Variants in PSMD1 observed in about 807,000 individuals in gnomAD.
PSMD1 encodes 26S proteasome non-ATPase regulatory subunit 1.
A neutral mutation model predicts 119.0 loss-of-function variants in PSMD1; 18 were observed. The observed-to-expected ratio is 0.15, with a 90% CI of 0.10 to 0.22. The LOEUF (loss-of-function observed/expected upper bound fraction) is 0.22. Ranked by LOEUF, PSMD1 falls within the 10% of genes least tolerant of loss-of-function variation. The probability of loss-of-function intolerance (pLI) is 1.00; values close to 1 mark genes in which losing one functional copy is unlikely to be tolerated. For missense variants in PSMD1, 702 were observed against 1,158.5 expected (o/e 0.61, Z 5.72); for synonymous variants, 374 against 396.6 (o/e 0.94, Z 0.68).
intron 16 of PSMD1, among the ~76,000 whole-genome samples, chr2:231,087,490 A>G (rs1292012200): frequency 6.6e-6 from 1 of 152,212 alleles, no homozygotes; most frequent in Admixed American, 6.5e-5. Context: ...CTCTTCTTGT[A>G]TATTGGTAGT....
At chr2:231,060,157 T>G (rs1693721193) in intron 1 of PSMD1, among the ~76,000 whole-genome samples, 1 of 152,240 alleles carries the variant, frequency 6.6e-6, no homozygotes, top group Non-Finnish European at 1.5e-5. Flanking sequence ...CTGATTGAAT[T>G]TTGAAATTTA....
chr2:231,126,672 G>A (rs1218812762), intron 16 of PSMD1, among the ~76,000 whole-genome samples: 1 of 151,956 alleles, frequency 6.6e-6, no homozygotes, highest in African/African-American at 2.4e-5. Context: ...TAAAAATGCA[G>A]TCATTGTTGT....
intron 11 of PSMD1, 126 bp from the exon 12 acceptor site, chr2:231,080,015 G>A (rs1694268078): frequency 4.0e-6 from 3 of 756,534 alleles, no homozygotes; most frequent in South Asian, 2.4e-5. Context: ...ATGAGAGAGA[G>A]CCCCACTACC....
In PSMD1 at chr2:231,056,932, A is replaced by G. The variant is rs1693605847; in HGVS notation, c.-94A>G. On this transcript the variant is annotated 5_prime_UTR_variant, in exon 1 of 25. Coordinates refer to ENST00000308696, the MANE Select transcript of PSMD1 (RefSeq NM_002807.4). ...GACTGAGCAGCGCACCCGGGGAGCA[A>G]GGAGGCGCGGTGAACTGAGCGGCCC... The G allele has an allele frequency of 6.7e-7, 1 of 1,495,196 alleles. No individual in the cohort carries two copies. Among genetic ancestry groups the G allele is most frequent in the Non-Finnish European group, 9.0e-7 (1 of 1,109,320 alleles). The allele number at this position is 1,495,196 out of a possible 1,614,324, so 92.6% of individuals were successfully genotyped here. A position where few individuals can be genotyped will look rare whatever the true frequency, so the allele number is the denominator to read the frequency against.
In PSMD1 at chr2:231,078,754, A is replaced by G; in HGVS notation, c.1160+7A>G. ...CCAGTGACCAGTTTCTTAGGTAAAT[A>G]TGCTTGTTGATTTTCACTTTGGTTC... On this transcript the variant is annotated splice_region_variant and intron_variant, in intron 10 of 24. Coordinates refer to ENST00000308696, the MANE Select transcript of PSMD1 (RefSeq NM_002807.4). 2 of 1,153,602 alleles carry G rather than the reference A, an allele frequency of 1.7e-6. No individual in the cohort carries two copies. The highest frequency in any genetic ancestry group is 2.4e-6 in the Non-Finnish European group (2 of 825,828). 71.5% of individuals were successfully genotyped at this position (1,153,602 alleles called of 1,614,324 possible).
intron 9 of PSMD1, 105 bp downstream of exon 9, chr2:231,077,267 C>A: frequency 1.1e-6 from 1 of 877,700 alleles, no homozygotes. Flanking sequence ...TATTTTATTT[C>A]CAATTAAGGA....
intron 16 of PSMD1, among the ~76,000 whole-genome samples, chr2:231,114,175 G>A (rs1695255499): frequency 6.6e-6 from 1 of 152,120 alleles, no homozygotes; most frequent in South Asian, 2.1e-4. Flanking sequence ...GTCAGCAGCA[G>A]TTTAACTTTT....
At chr2:231,104,243 T>G (rs1345761328) in intron 16 of PSMD1, among the ~76,000 whole-genome samples, 1 of 152,210 alleles carries the variant, frequency 6.6e-6, no homozygotes, top group Non-Finnish European at 1.5e-5. Flanking sequence ...TGCTTTGCTC[T>G]CTAGTTAACA....
At chr2:231,142,859 T>C (rs1257936078) in intron 17 of PSMD1, among the ~76,000 whole-genome samples, 2 of 152,202 alleles carry the variant, frequency 1.3e-5, no homozygotes, top group Admixed American at 6.5e-5. Context: ...GGAGAAAGGA[T>C]ACCCATATCT....
At chr2:231,072,601 G>T (rs1295246965) in intron 7 of PSMD1, among the ~76,000 whole-genome samples, 186 bp downstream of exon 7, 6 of 151,910 alleles carry the variant, frequency 3.9e-5, no homozygotes, top group African/African-American at 1.5e-4. Context: ...GAAAACCGAA[G>T]AAATTGACCC....
At chr2:231,088,957 C>T (rs1460050312) in intron 16 of PSMD1, among the ~76,000 whole-genome samples, 1 of 152,138 alleles carries the variant, frequency 6.6e-6, no homozygotes, top group Non-Finnish European at 1.5e-5. Flanking sequence ...CCAGTGGACA[C>T]GCAAATGATA....
chr2:231,057,595 T>A (rs1319511968), intron 1 of PSMD1, among the ~76,000 whole-genome samples: 1 of 152,234 alleles, frequency 6.6e-6, no homozygotes, highest in East Asian at 1.9e-4. Flanking sequence ...CCCAGAGAAC[T>A]TTTGGGTTCG....
rs149133426 is a variant in PSMD1 at position 231,161,650 on chromosome 2, C to T, written c.2388+141C>T. ...ATAACATTTTCCCTTCAAGTTGAATCGTCACCTTTTTGAATGGAGTGTGTC... is the reference window on the plus strand; with the variant it reads ...ATAACATTTTCCCTTCAAGTTGAATTGTCACCTTTTTGAATGGAGTGTGTC... On this transcript the variant is annotated intron_variant, in intron 20 of 24. Coordinates refer to ENST00000308696, the MANE Select transcript of PSMD1 (RefSeq NM_002807.4). 9.2e-6 allele frequency: 9 copies of T among 974,668 alleles called. No homozygotes were observed. The South Asian group carries it at 1.0e-4, about 11-fold the overall frequency. 60.4% of individuals were successfully genotyped at this position (974,668 alleles called of 1,614,324 possible).
rs115687512 is a variant in PSMD1 at position 231,170,243 on chromosome 2, T to C, written c.2716-323T>C. 6.6e-6 allele frequency among the ~76,000 whole-genome samples: 1 copy of C among 152,290 alleles called. No homozygotes were observed. Among genetic ancestry groups the C allele is most frequent in the African/African-American group, 2.4e-5 (1 of 41,548 alleles). On this transcript the variant is annotated intron_variant, in intron 23 of 24. Transcript: ENST00000308696. This position sits in a 1 kb window ranked among gnomAD's most constrained non-coding sequence, Gnocchi z 4.1. ...CTTGAGTAGGAAGGAATTAGGATAC[T>C]ATATTTGGACAGTAAACATTCTTCC...
In PSMD1 at chr2:231,057,038, GC is replaced by G; in HGVS notation, c.15del (p.Ala6LeufsTer22). MITS[A>X]AGIISLLDED... ...GAGGGGCGCAGCCATGATCACCTCG[GC>G]CGGTGAGTGCGGCCCGTAGCCAGCG... is the stretch of plus-strand genomic sequence containing the variant. On this transcript the variant is annotated frameshift_variant and splice_region_variant, in exon 1 of 25. Coordinates refer to ENST00000308696, the MANE Select transcript of PSMD1 (RefSeq NM_002807.4). LOFTEE classifies it high-confidence loss of function. 1 of 1,532,414 alleles carries G rather than the reference GC, an allele frequency of 6.5e-7. No homozygotes were observed. 94.9% of individuals were successfully genotyped at this position (1,532,414 alleles called of 1,614,324 possible). A position where few individuals can be genotyped will look rare whatever the true frequency, so the allele number is the denominator to read the frequency against.
intron 15 of PSMD1, among the ~76,000 whole-genome samples, 161 bp from the exon 16 acceptor site, chr2:231,086,956 A>G (rs544627877): frequency 1.3e-5 from 2 of 152,272 alleles, no homozygotes; most frequent in African/African-American, 4.8e-5. Flanking sequence ...TTTTGAATGT[A>G]TTCATTTATT....
At chr2:231,165,139 G>C in intron 21 of PSMD1, 61 bp from the exon 22 acceptor site, 1 of 1,290,414 alleles carries the variant, frequency 7.7e-7, no homozygotes, top group East Asian at 3.0e-5. Context: ...GAGTTCTCTA[G>C]GGCTTGCATG....
Position 231,140,613 on chromosome 2 carries a change from C to CA in PSMD1, c.1998+1764dup, listed in dbSNP as rs549941170. On this transcript the variant is annotated intron_variant, in intron 17 of 24. Coordinates refer to ENST00000308696, the MANE Select transcript of PSMD1 (RefSeq NM_002807.4). ...CTATTTTTGGCCAGGTGCAGTGGCT[C>CA]ACACCTGTAATCACAGCACTTTGGG... Among the ~76,000 whole-genome samples, 50 of 152,024 alleles carry CA rather than the reference C, an allele frequency of 3.3e-4. No individual in the cohort carries two copies. The East Asian group carries it at 9.1e-3, about 28-fold the overall frequency.
intron 16 of PSMD1, among the ~76,000 whole-genome samples, chr2:231,112,382 T>C (rs575644693): frequency 3.9e-5 from 6 of 152,380 alleles, no homozygotes; most frequent in African/African-American, 1.4e-4. Context: ...TTTAAATCTC[T>C]TCATTCTGAA....
Sources: allele counts gnomAD v4.1 joint callset (sites outside exome capture counted in the v4.1 genomes callset), GRCh38; gene constraint gnomAD v4.1.1; non-coding constraint Gnocchi (gnomAD v3.1); transcripts MANE v1.5; gene names NCBI Gene and HGNC (gene_info 2026-07-23, HGNC 2026-07-21).